CFAP54: variants seen among roughly 807,000 people sequenced by gnomAD.
CFAP54 encodes the protein cilia- and flagella-associated protein 54.
CFAP54 carries 290 observed loss-of-function variants against 370.4 expected under a neutral mutation model. The ratio of observed to expected loss-of-function variants is 0.78; its 90% CI spans 0.71 to 0.86. The LOEUF (loss-of-function observed/expected upper bound fraction) is 0.86. Among genes scored for constraint, CFAP54 ranks in the 40% least tolerant of loss-of-function variants. The probability of loss-of-function intolerance (pLI) is 0.00; values close to 1 mark genes in which losing one functional copy is unlikely to be tolerated. For synonymous variants in CFAP54, 1,206 were observed against 1,236.5 expected (o/e 0.98, Z 0.52); for missense variants, 3,399 against 3,528.7 (o/e 0.96, Z 0.93).
At position 96,685,230 on chromosome 12, in the gene CFAP54, G is replaced by GAT. The variant is rs1565942041; in HGVS notation, c.6008_6009dup (p.Ala2004Ter). The stretch of plus-strand genomic sequence containing the variant: ...TGCAAGGAGCAGTCATATCAGCAAA[G>GAT]ATAGCACAGTGAGTGTGAGGATGGA... On this transcript the variant is annotated frameshift_variant, in exon 42 of 68. Transcript: ENST00000524981. LOFTEE classifies it high-confidence loss of function. The GAT allele has an allele frequency of 9.3e-6, 15 of 1,613,814 alleles. No individual in the cohort carries two copies. The highest frequency in any genetic ancestry group is 1.3e-5 in the Non-Finnish European group (15 of 1,179,894).
chr12:96,640,043 A>G (rs1270189819), intron 32 of CFAP54, among the ~76,000 whole-genome samples: 5 of 151,988 alleles, frequency 3.3e-5, no homozygotes, highest in Non-Finnish European at 7.4e-5. Context: ...CTCTCTCACC[A>G]CTCCTATTCA....
chr12:96,603,602 T>C (rs1012179977), intron 26 of CFAP54, among the ~76,000 whole-genome samples: 1 of 152,262 alleles, frequency 6.6e-6, no homozygotes, highest in Non-Finnish European at 1.5e-5. Flanking sequence ...CAATCAGACG[T>C]AGATCTGGTC....
intron 32 of CFAP54, among the ~76,000 whole-genome samples, chr12:96,638,206 T>TATATATATGC (rs869108031): frequency 5.3e-5 from 2 of 37,992 alleles, no homozygotes; most frequent in African/African-American, 1.9e-4. Flanking sequence ...TATATATGCA[T>TATATATATGC]GTGTGTGTGT....
chr12:96,711,252 TG>T (rs1461559560), intron 48 of CFAP54, among the ~76,000 whole-genome samples: 4 of 152,124 alleles, frequency 2.6e-5, no homozygotes, highest in African/African-American at 9.7e-5. Context: ...TTAGTAGTAA[TG>T]TTTCCTCTTT....
At chr12:96,754,784 CCCAGG>C (rs1369338548) in intron 56 of CFAP54, among the ~76,000 whole-genome samples, 2 of 151,742 alleles carry the variant, frequency 1.3e-5, no homozygotes, top group African/African-American at 2.4e-5. Context: ...CGCTCTGTTG[CCCAGG>C]CTGGAGTGCA....
In CFAP54 at chr12:96,875,384, G is replaced by GT; in HGVS notation, c.*284dup. On this transcript the variant is annotated 3_prime_UTR_variant, in exon 68 of 68. Transcript: ENST00000524981. The stretch of plus-strand genomic sequence containing the variant: ...AGGTGTTTCAGCTCCCAGTAGGGCA[G>GT]TTTAACTCCTATCTTCTCTGTGAGT... 1 of 152,290 alleles carries GT rather than the reference G, an allele frequency of 6.6e-6. No homozygotes were observed. The highest frequency in any genetic ancestry group is 6.5e-5 in the Admixed American group (1 of 15,298). 9.4% of individuals were successfully genotyped at this position (152,290 alleles called of 1,614,324 possible).
chr12:96,555,684 A>G (rs1001369699), intron 17 of CFAP54, among the ~76,000 whole-genome samples: 4 of 151,458 alleles, frequency 2.6e-5, no homozygotes, highest in African/African-American at 7.2e-5. Context: ...AAGGGTTTCA[A>G]TCTAACCAAA....
rs12372726 is a variant in CFAP54, at chr12:96,644,276, G to A, written c.4415G>A (p.Arg1472His). The A allele has an allele frequency of 0.12, 186,183 of 1,535,328 alleles. 12,609 individuals are homozygous for A. The highest frequency in any genetic ancestry group is 0.24 in the South Asian group (20,291 of 84,028). The change falls in exon 33 of 68, where the codon CGT (arginine) becomes CAT (histidine). Residue 1472 changes from arginine (R) to histidine (H), a missense_variant. Around this residue, in one of 3 missense-constraint regions of CFAP54, gnomAD observed 2,796 missense variants for 2,869.7 expected, o/e 0.97. Coordinates refer to ENST00000524981, the MANE Select transcript of CFAP54 (RefSeq NM_001306084.2). ...TATGTTAAAAGAAAGAGGTTCCATC[G>A]TCTATCACTTGAAGAGATGCCCTGG... ...LSYVKRKRFH[R>H]LSLEEMPWRA... is the part of the protein sequence containing the mutation.
intron 47 of CFAP54, among the ~76,000 whole-genome samples, chr12:96,707,180 C>T (rs943026846): frequency 6.6e-6 from 1 of 151,848 alleles, no homozygotes; most frequent in Non-Finnish European, 1.5e-5. Context: ...GAGGAGAAAG[C>T]GTGTTTGGAA....
chr12:96,795,745 C>A (rs1252182884), intron 63 of CFAP54, among the ~76,000 whole-genome samples: 2 of 152,104 alleles, frequency 1.3e-5, no homozygotes, highest in Non-Finnish European at 2.9e-5. Flanking sequence ...AGGTTTCGAG[C>A]CCCTCTACTT....
intron 66 of CFAP54, among the ~76,000 whole-genome samples, chr12:96,858,516 T>G (rs935476656): frequency 3.3e-5 from 5 of 152,226 alleles, no homozygotes; most frequent in African/African-American, 1.2e-4. Context: ...TTGCCAATTT[T>G]TGCTTTTGTT....
At chr12:96,812,553 A>G (rs137945272) in intron 64 of CFAP54, among the ~76,000 whole-genome samples, 1 of 152,202 alleles carries the variant, frequency 6.6e-6, no homozygotes, top group Admixed American at 6.5e-5. Context: ...GGAAATGATC[A>G]TAACTGCTCT....
In CFAP54 at chr12:96,760,819, C is replaced by G. The variant is rs11108681; in HGVS notation, c.8040+3231C>G. Among the ~76,000 whole-genome samples, 8 of 152,060 alleles carry G rather than the reference C, an allele frequency of 5.3e-5. 1 individual carries two copies. The East Asian group carries it at 5.8e-4, about 11-fold the overall frequency. ...TGTTGTTGTTGTTGCTTAATAGTGT[C>G]TCATTATATGGATATGCCACTTTTT... is the stretch of plus-strand genomic sequence containing the variant. On this transcript the variant is annotated intron_variant, in intron 58 of 67. Transcript: ENST00000524981.
intron 50 of CFAP54, among the ~76,000 whole-genome samples, chr12:96,725,472 C>A (rs1418078955): frequency 6.6e-6 from 1 of 151,944 alleles, no homozygotes; most frequent in Non-Finnish European, 1.5e-5. Flanking sequence ...ATTTGGCTCT[C>A]TGTTTGTCTG....
intron 39 of CFAP54, among the ~76,000 whole-genome samples, chr12:96,671,270 C>A (rs1349723273): frequency 2.6e-5 from 4 of 152,224 alleles, no homozygotes; most frequent in African/African-American, 9.6e-5. Flanking sequence ...CTGCTCCCAG[C>A]CTGAGCATTC....
chr12:96,793,401 T>A (rs1326319517), intron 63 of CFAP54, among the ~76,000 whole-genome samples: 1 of 148,450 alleles, frequency 6.7e-6, no homozygotes, highest in Admixed American at 6.8e-5. Flanking sequence ...TATTCCATGG[T>A]GTGTATGTGT....
intron 59 of CFAP54, 38 bp from the exon 60 acceptor site, chr12:96,765,039 G>T (rs1565970146): frequency 7.5e-7 from 1 of 1,332,614 alleles, no homozygotes; most frequent in Middle Eastern, 2.4e-4. Flanking sequence ...GAATTAGAAA[G>T]CTTATATTTA....
chr12:96,816,936 T>C (rs142225258), intron 64 of CFAP54, among the ~76,000 whole-genome samples: 110 of 152,346 alleles, frequency 7.2e-4, no homozygotes, highest in African/African-American at 2.3e-3. Context: ...TTTTCCATTT[T>C]TCTTGATTCT....
rs11108577 is a variant in CFAP54, at chr12:96,545,647, C to G, written c.2078-2255C>G. Among the ~76,000 whole-genome samples the G allele has an allele frequency of 9.5e-3, 1,443 of 152,324 alleles. 12 individuals are homozygous for G. Among genetic ancestry groups the G allele is most frequent in the Middle Eastern group, 0.024 (7 of 294 alleles). On this transcript the variant is annotated intron_variant, in intron 14 of 67. Transcript: ENST00000524981. ...CTCTTATGGGATCCATCTCTCAATA[C>G]CGCCACATTGAGGATTAAATTTCAA...
Sources: gnomAD v4.1 joint callset for allele counts (sites outside exome capture counted in the v4.1 genomes callset) on GRCh38, gnomAD v4.1.1 for gene constraint, gnomAD v4.1.1 regional missense constraint, MANE v1.5 for transcripts, NCBI Gene and HGNC (gene_info 2026-07-23, HGNC 2026-07-21) for gene names.